Variants in MYBL2 observed in about 807,000 individuals in gnomAD.
The protein encoded by MYBL2 is MYB proto-oncogene like 2.
In MYBL2, 28 loss-of-function variants were observed where a neutral mutation model predicts 79.9. That is an observed-to-expected ratio of 0.35 (90% CI 0.26 to 0.48). The LOEUF is 0.48. MYBL2 is among the 20% of genes least tolerant of loss of function. The pLI, the probability that MYBL2 is intolerant of heterozygous loss-of-function variation, is 0.99. For synonymous variants in MYBL2, 378 were observed against 361.2 expected (o/e 1.05, Z -0.53); for missense variants, 735 against 893.9 (o/e 0.82, Z 2.27).
Position 43,705,308 on chromosome 20 carries a change from C to T in MYBL2, c.1455C>T (p.Val485=), listed in dbSNP as rs1987755434. 4.3e-6 allele frequency: 7 copies of T among 1,614,052 alleles called. No homozygotes were observed. The highest frequency in any genetic ancestry group is 5.9e-6 in the Non-Finnish European group (7 of 1,179,996). The change falls in exon 9 of 14, where the codon GTC becomes GTT. Residue 485 remains valine, a synonymous_variant. Coordinates refer to ENST00000217026, the MANE Select transcript of MYBL2 (RefSeq NM_002466.4). ...CAGTGTGCAGCCAGAAGGTGGTGGT[C>T]ACCACACCACTGCACCGGGACAAGA... The part of the protein sequence containing the change: ...STPVCSQKVV[V]TTPLHRDKTP...
chr20:43,713,225 G>C (rs1987952059), intron 12 of MYBL2, 119 bp downstream of exon 12: 1 of 657,324 alleles, frequency 1.5e-6, no homozygotes, highest in Admixed American at 2.5e-5. Context: ...GGGGCTATCA[G>C]GGAGGGTGGG....
At chr20:43,669,137 C>T (rs367700007) in intron 1 of MYBL2, among the ~76,000 whole-genome samples, 1 of 152,192 alleles carries the variant, frequency 6.6e-6, no homozygotes. Context: ...CCGCGTCTGG[C>T]GTGTTTTATT....
At chr20:43,683,578 G>T (rs769358834) in intron 4 of MYBL2, among the ~76,000 whole-genome samples, 2 of 147,390 alleles carry the variant, frequency 1.4e-5, no homozygotes, top group African/African-American at 2.5e-5. Context: ...TTTTGAGACG[G>T]AGTCTTGCTT....
At chr20:43,688,025 A>AG (rs1987320097) in intron 5 of MYBL2, among the ~76,000 whole-genome samples, 1 of 150,374 alleles carries the variant, frequency 6.7e-6, no homozygotes. Context: ...AAAAAAAAAA[A>AG]AATTTTTTTT....
intron 11 of MYBL2, 37 bp downstream of exon 11, chr20:43,711,638 G>A (rs1987910422): frequency 2.5e-6 from 4 of 1,569,548 alleles, no homozygotes; most frequent in Non-Finnish European, 3.5e-6. Flanking sequence ...TGGGCAGGGG[G>A]AATTGGAGCC....
rs1568872653 is a variant in MYBL2 at position 43,702,901 on chromosome 20, C to G, written c.1363C>G (p.Gln455Glu). 1 of 1,585,834 alleles carries G rather than the reference C, an allele frequency of 6.3e-7. No individual in the cohort carries two copies. Among genetic ancestry groups the G allele is most frequent in the East Asian group, 2.3e-5 (1 of 44,290 alleles). Residue 455 changes from glutamine to glutamate, a missense_variant and splice_region_variant, in exon 8 of 14, where the codon CAG becomes GAG. Around this residue, in one of 5 missense-constraint regions of MYBL2, gnomAD observed 243 missense variants for 327.2 expected, o/e 0.74. Coordinates refer to ENST00000217026, the MANE Select transcript of MYBL2 (RefSeq NM_002466.4). ...TAAGACCCTGCCCTTCTCGCCCTCC[C>G]AGGTGCGTGGACCCCACTCTGGCTG... Reference protein sequence around the residue: ...PVKTLPFSPSQFLNFWNKQDT... With the variant: ...PVKTLPFSPSEFLNFWNKQDT...
At chr20:43,679,619 A>T (rs897936180) in intron 2 of MYBL2, among the ~76,000 whole-genome samples, 3 of 151,862 alleles carry the variant, frequency 2.0e-5, no homozygotes, top group Non-Finnish European at 4.4e-5. Context: ...CAAAACAAAA[A>T]ATACCCACCA....
rs907983937 is a variant in MYBL2, at chr20:43,699,743, C to T, written c.664-14C>T. On this transcript the variant is annotated splice_polypyrimidine_tract_variant and intron_variant, in intron 6 of 13. Coordinates refer to ENST00000217026, the MANE Select transcript of MYBL2 (RefSeq NM_002466.4). ...CTCAGCGAAATGCAAATGGTGTATT[C>T]TTGTGTCTTACAGGGAAGTCTTCTG... 9 of 1,613,354 alleles carry T rather than the reference C, an allele frequency of 5.6e-6. No homozygotes were observed. Among genetic ancestry groups the T allele is most frequent in the African/African-American group, 1.3e-5 (1 of 74,894 alleles).
chr20:43,714,775 C>T (rs139654458), intron 12 of MYBL2, among the ~76,000 whole-genome samples: 136 of 152,190 alleles, frequency 8.9e-4, no homozygotes, highest in African/African-American at 3.2e-3. Context: ...GGACAACAGG[C>T]GCCCACCACC....
rs764273305 is a variant in MYBL2, at chr20:43,683,550, C to CCTTTTTTTTTTTTT, written c.279+664_279+665insCTTTTTTTTTTTTT. Among the ~76,000 whole-genome samples the CCTTTTTTTTTTTTT allele has an allele frequency of 3.2e-5, 4 of 126,446 alleles. 1 individual carries two copies. The highest frequency in any genetic ancestry group is 5.0e-5 in the Non-Finnish European group (3 of 59,780). 83.0% of individuals were successfully genotyped at this position (126,446 alleles called of 152,430 possible). ...AAAGAGGGAGATGAAGGGAACTAGG[C>CCTTTTTTTTTTTTT]ATTTTTTTTTTTTTTTTTTTTGAGA... On this transcript the variant is annotated intron_variant, in intron 4 of 13. Coordinates refer to ENST00000217026, the MANE Select transcript of MYBL2 (RefSeq NM_002466.4).
chr20:43,715,098 C>A (rs995963795), intron 12 of MYBL2, 36 bp from the exon 13 acceptor site: 1 of 1,608,960 alleles, frequency 6.2e-7, no homozygotes, highest in Non-Finnish European at 8.5e-7. Context: ...CAGCTTCTCG[C>A]AAAATGGTGA....
At chr20:43,710,937 T>C (rs1201134230) in intron 10 of MYBL2, among the ~76,000 whole-genome samples, 1 of 152,006 alleles carries the variant, frequency 6.6e-6, no homozygotes, top group Non-Finnish European at 1.5e-5. Flanking sequence ...GTAATTAAAG[T>C]TTGTGGGGGC....
At chr20:43,674,148 T>C (rs1336368252) in intron 2 of MYBL2, among the ~76,000 whole-genome samples, 2 of 150,416 alleles carry the variant, frequency 1.3e-5, no homozygotes, top group Non-Finnish European at 3.0e-5. Flanking sequence ...CCTGAGCAGC[T>C]GCCATGTTCT....
At chr20:43,708,098 C>T (rs918323094) in intron 9 of MYBL2, among the ~76,000 whole-genome samples, 14 of 149,786 alleles carry the variant, frequency 9.3e-5, no homozygotes, top group African/African-American at 3.6e-4. Flanking sequence ...GTCAGCCTCC[C>T]TGCCTCCCTG....
chr20:43,692,378 C>T, intron 6 of MYBL2, 59 bp downstream of exon 6: 1 of 1,594,746 alleles, frequency 6.3e-7, no homozygotes, highest in Admixed American at 1.7e-5. Flanking sequence ...GACACCATCT[C>T]ATTGAACACC....
At chr20:43,713,260 G>A (rs561963840) in intron 12 of MYBL2, among the ~76,000 whole-genome samples, 154 bp downstream of exon 12, 3 of 152,236 alleles carry the variant, frequency 2.0e-5, no homozygotes, top group Admixed American at 6.5e-5. Context: ...CATGGCTTCA[G>A]TCAGCAGCTC....
chr20:43,712,651 GGT>G (rs1987934405), intron 11 of MYBL2, among the ~76,000 whole-genome samples: 1 of 152,134 alleles, frequency 6.6e-6, no homozygotes, highest in Non-Finnish European at 1.5e-5. Context: ...TGCTATTTTA[GGT>G]GTTACTGGGG....
intron 1 of MYBL2, among the ~76,000 whole-genome samples, chr20:43,672,627 A>G (rs1009719622): frequency 6.6e-6 from 1 of 152,160 alleles, no homozygotes; most frequent in African/African-American, 2.4e-5. Context: ...AAGTTGTTCC[A>G]GGTACTTGGG....
intron 11 of MYBL2, among the ~76,000 whole-genome samples, 186 bp from the exon 12 acceptor site, chr20:43,712,808 AATGGGGCC>A (rs1987940051): frequency 1.3e-5 from 2 of 152,058 alleles, no homozygotes; most frequent in Admixed American, 1.3e-4. Context: ...TACAGAGTCT[AATGGGGCC>A]ATGGGGCCTA....
Sources: gnomAD v4.1 joint callset for allele counts (sites outside exome capture counted in the v4.1 genomes callset) on GRCh38, gnomAD v4.1.1 for gene constraint, gnomAD v4.1.1 regional missense constraint, MANE v1.5 for transcripts, NCBI Gene and HGNC (gene_info 2026-07-23, HGNC 2026-07-21) for gene names.